PGPEP1: variants seen among roughly 807,000 people sequenced by gnomAD.
PGPEP1 encodes the protein pyroglutamyl-peptidase I, also known as pyroglutamyl-peptidase 1.
A neutral mutation model predicts 24.1 loss-of-function variants in PGPEP1; 15 were observed. The observed-to-expected ratio is 0.62, with a 90% CI of 0.42 to 0.96. PGPEP1 has a LOEUF of 0.96. PGPEP1 is among the 40% of genes least tolerant of loss of function. The probability of loss-of-function intolerance (pLI) is 0.00; values close to 1 mark genes in which losing one functional copy is unlikely to be tolerated. For missense variants in PGPEP1, 242 were observed against 273.4 expected, an observed-to-expected ratio of 0.89 and a Z score of 0.81; for synonymous variants, 122 against 116.4, an observed-to-expected ratio of 1.05 and a Z score of -0.31.
intron 2 of PGPEP1, among the ~76,000 whole-genome samples, chr19:18,345,821 C>T (rs1970824793): frequency 6.6e-6 from 1 of 151,724 alleles, no homozygotes; most frequent in South Asian, 2.1e-4. Context: ...GGGCAGATCG[C>T]TTGAGGTCAG....
chr19:18,355,885 T>A lies in PGPEP1; in HGVS notation c.88-10T>A, dbSNP rs1464248794. 6.3e-7 allele frequency: 1 copy of A among 1,582,014 alleles called. No homozygotes were observed. The highest frequency in any genetic ancestry group is 8.7e-7 in the Non-Finnish European group (1 of 1,151,170). On this transcript the variant is annotated splice_polypyrimidine_tract_variant and intron_variant, in intron 2 of 4. Coordinates refer to ENST00000269919, the MANE Select transcript of PGPEP1 (RefSeq NM_017712.4). ...TGGGGCCATGACACTCCCACTCTCC[T>A]CTCTTCCAGGAGCTAGAAAAGCTAG...
chr19:18,343,086 G>A (rs1392828537), intron 2 of PGPEP1, among the ~76,000 whole-genome samples, 175 bp downstream of exon 2: 1 of 151,278 alleles, frequency 6.6e-6, no homozygotes, highest in Non-Finnish European at 1.5e-5. Context: ...TGCAACCTTC[G>A]CCTCCTGGGT....
At chr19:18,359,805 G>A (rs544375819) in intron 4 of PGPEP1, among the ~76,000 whole-genome samples, 22 of 150,414 alleles carry the variant, frequency 1.5e-4, no homozygotes, top group Admixed American at 4.6e-4. Context: ...GAGCCACCGC[G>A]CCTGGCCCTC....
intron 4 of PGPEP1, chr19:18,361,713 C>T (rs146681533): frequency 9.4e-5 from 93 of 984,936 alleles, no homozygotes; most frequent in South Asian, 3.8e-4. Flanking sequence ...AAGTCAGACA[C>T]GGAAACCATG....
chr19:18,340,679 G>T lies in PGPEP1; in HGVS notation c.-3G>T. 1 of 1,542,346 alleles carries T rather than the reference G, an allele frequency of 6.5e-7. No homozygotes were observed. Among genetic ancestry groups the T allele is most frequent in the Non-Finnish European group, 8.7e-7 (1 of 1,146,276 alleles). ...CAGGTCCGAGGCACAGCCCGATCCC[G>T]CCATGGAGCAGCCGAGGAAGGCGGT... On this transcript the variant is annotated 5_prime_UTR_variant, in exon 1 of 5. Transcript: ENST00000269919.
rs1286507690 is a variant in PGPEP1, at chr19:18,347,635, C to CTT, written c.87+4739_87+4740dup. Among the ~76,000 whole-genome samples the CTT allele has an allele frequency of 9.6e-3, 1,300 of 135,982 alleles. 39 individuals carry two copies. Among genetic ancestry groups the CTT allele is most frequent in the African/African-American group, 0.034 (1,224 of 35,818 alleles). 89.2% of individuals were successfully genotyped at this position (135,982 alleles called of 152,430 possible). A position where few individuals can be genotyped will look rare whatever the true frequency, so the allele number is the denominator to read the frequency against. ...CTCCATCTCTCTGTCTCTGTCTCTC[C>CTT]TTTTTTTTTTTTTTTTGAGACAGGG... is the stretch of plus-strand genomic sequence containing the variant. On this transcript the variant is annotated intron_variant, in intron 2 of 4. Coordinates refer to ENST00000269919, the MANE Select transcript of PGPEP1 (RefSeq NM_017712.4).
intron 4 of PGPEP1, among the ~76,000 whole-genome samples, chr19:18,358,621 T>TC (rs911866282): frequency 1.1e-4 from 17 of 150,248 alleles, no homozygotes; most frequent in African/African-American, 3.9e-4. Context: ...AAGGTGACAT[T>TC]CTTTTTTTTT....
At chr19:18,357,966 A>C in intron 4 of PGPEP1, 2 of 291,684 alleles carry the variant, frequency 6.9e-6, no homozygotes, top group Non-Finnish European at 1.3e-5. Context: ...ATACCCACAA[A>C]CTGGGTGGTT....
chr19:18,364,125 T>TTGCTTTCTTTCTTGCTTTCTTTCG lies in PGPEP1; in HGVS notation c.*543_*544insGCTTTCTTTCTTGCTTTCTTTCGT, dbSNP rs1367392348. 7.2e-6 allele frequency: 1 copy of TTGCTTTCTTTCTTGCTTTCTTTCG among 137,990 alleles called. No individual in the cohort carries two copies. Among genetic ancestry groups the TTGCTTTCTTTCTTGCTTTCTTTCG allele is most frequent in the African/African-American group, 3.0e-5 (1 of 33,606 alleles). The allele number at this position is 137,990 out of a possible 1,614,324, so 8.5% of individuals were successfully genotyped here. ...CTTTCTTTCTTTCTTGCTTTCTTTCTTTCTTGCTTTCTTTCTTCTCTCTCT... is the reference window on the plus strand; with the variant it reads ...CTTTCTTTCTTTCTTGCTTTCTTTCTTGCTTTCTTTCTTGCTTTCTTTCGTTCTTGCTTTCTTTCTTCTCTCTCT... On this transcript the variant is annotated 3_prime_UTR_variant, in exon 5 of 5. Coordinates refer to ENST00000269919, the MANE Select transcript of PGPEP1 (RefSeq NM_017712.4).
At position 18,352,087 on chromosome 19, in the gene PGPEP1, C is replaced by T. The variant is rs8100332; in HGVS notation, c.88-3808C>T. The stretch of plus-strand genomic sequence containing the variant: ...GAGATCGAGACCATCCTGGTTAACA[C>T]GATGAAACCCCGTCTCTACTAAAAA... On this transcript the variant is annotated intron_variant, in intron 2 of 4. Coordinates refer to ENST00000269919, the MANE Select transcript of PGPEP1 (RefSeq NM_017712.4). Among the ~76,000 whole-genome samples, 1,441 of 151,550 alleles carry T rather than the reference C, an allele frequency of 9.5e-3. 21 individuals carry two copies. The highest frequency in any genetic ancestry group is 0.034 in the African/African-American group (1,393 of 41,356).
At chr19:18,362,604 C>G (rs962331608) in intron 4 of PGPEP1, among the ~76,000 whole-genome samples, 2 of 140,448 alleles carry the variant, frequency 1.4e-5, no homozygotes, top group Non-Finnish European at 3.1e-5. Context: ...GGCCCACGCC[C>G]GTAATCCCAG....
chr19:18,363,341 C>G, intron 4 of PGPEP1, 50 bp from the exon 5 acceptor site: 1 of 1,526,108 alleles, frequency 6.6e-7, no homozygotes, highest in Non-Finnish European at 9.0e-7. Flanking sequence ...CGGATTGCCC[C>G]TCTGACCCCG....
rs1971224477 is a variant in PGPEP1, at chr19:18,357,572, T to C, written c.394T>C (p.Leu132=). The change falls in exon 4 of 5, where the codon TTG becomes CTG. Residue 132 remains leucine (L), a synonymous_variant. Transcript: ENST00000269919. ...TGCTGTGTGCAAGCGAGTCACCACG[T>C]TGGGCCTGGATGTGTCGGTGACCAT... The part of the protein sequence containing the change: ...MDAVCKRVTT[L]GLDVSVTISQ... The C allele has an allele frequency of 1.5e-5, 24 of 1,612,392 alleles. No individual in the cohort carries two copies. Among genetic ancestry groups the C allele is most frequent in the Non-Finnish European group, 2.0e-5 (24 of 1,179,288 alleles).
intron 2 of PGPEP1, among the ~76,000 whole-genome samples, chr19:18,350,565 C>T (rs564056977): frequency 2.0e-5 from 3 of 152,320 alleles, no homozygotes; most frequent in South Asian, 4.1e-4. Context: ...TGCATGAGGA[C>T]GTTCACTGCA....
intron 2 of PGPEP1, among the ~76,000 whole-genome samples, chr19:18,355,410 G>A (rs1971153126): frequency 6.6e-6 from 1 of 152,034 alleles, no homozygotes; most frequent in African/African-American, 2.4e-5. Flanking sequence ...ACAGGTGTGT[G>A]CCACTGCACC....
Position 18,363,816 on chromosome 19 carries a change from C to T in PGPEP1, c.*233C>T. On this transcript the variant is annotated 3_prime_UTR_variant, in exon 5 of 5. Coordinates refer to ENST00000269919, the MANE Select transcript of PGPEP1 (RefSeq NM_017712.4). ...ATTTTCCTCCCTGCATCTGGGGACA[C>T]AGCTGCCGTGACCAGGGAGGCCAGC... is the stretch of plus-strand genomic sequence containing the variant. 1 of 409,850 alleles carries T rather than the reference C, an allele frequency of 2.4e-6. No homozygotes were observed. 25.4% of individuals were successfully genotyped at this position (409,850 alleles called of 1,614,324 possible).
intron 4 of PGPEP1, among the ~76,000 whole-genome samples, chr19:18,360,407 A>C (rs928985106): frequency 2.0e-5 from 3 of 152,120 alleles, no homozygotes; most frequent in Non-Finnish European, 4.4e-5. Flanking sequence ...CCCAGGCTAG[A>C]GTGCAGTGGC....
Position 18,363,631 on chromosome 19 carries a change from G to A in PGPEP1, c.*48G>A, listed in dbSNP as rs1416164492. 4.8e-6 allele frequency: 7 copies of A among 1,454,504 alleles called. No individual in the cohort carries two copies. The South Asian group carries it at 8.4e-5, about 18-fold the overall frequency. The allele number at this position is 1,454,504 out of a possible 1,614,324, so 90.1% of individuals were successfully genotyped here. ...CCTCATCCTGCTGGGGACCCCACGA[G>A]GGGACATCCACCCTCTGGGGTGTGG... On this transcript the variant is annotated 3_prime_UTR_variant, in exon 5 of 5. Transcript: ENST00000269919.
chr19:18,352,747 G>T (rs1014458503), intron 2 of PGPEP1, among the ~76,000 whole-genome samples: 1 of 151,826 alleles, frequency 6.6e-6, no homozygotes, highest in Admixed American at 6.6e-5. Context: ...ATAAAGACAG[G>T]GTTTTTCCAT....
Sources: allele counts gnomAD v4.1 joint callset (sites outside exome capture counted in the v4.1 genomes callset), GRCh38; gene constraint gnomAD v4.1.1; transcripts MANE v1.5; gene names NCBI Gene and HGNC (gene_info 2026-07-23, HGNC 2026-07-21).